The following NKAIN3 variants were observed in gnomAD, a reference collection of about 807,000 sequenced individuals.
NKAIN3 encodes the protein sodium/potassium transporting ATPase interacting 3, also known as sodium/potassium-transporting ATPase subunit beta-1-interacting protein 3.
NKAIN3 carries 25 observed loss-of-function variants against 30.2 expected under a neutral mutation model. The ratio of observed to expected loss-of-function variants is 0.83; its 90% CI spans 0.60 to 1.16. The LOEUF is 1.16. Among genes scored for constraint, NKAIN3 ranks in the 50% most tolerant of loss-of-function variants. The pLI is 0.00. For synonymous variants in NKAIN3, 91 were observed against 89.6 expected (o/e 1.02, Z -0.09); for missense variants, 225 against 254.1 (o/e 0.89, Z 0.78).
intron 1 of NKAIN3, among the ~76,000 whole-genome samples, chr8:62,509,557 C>T (rs961192237): frequency 6.6e-6 from 1 of 152,074 alleles, no homozygotes; most frequent in African/African-American, 2.4e-5. Flanking sequence ...ATTCTTATCT[C>T]TAACCACCAT....
chr8:62,727,965 T>C (rs1009477334), intron 3 of NKAIN3, among the ~76,000 whole-genome samples: 1 of 152,306 alleles, frequency 6.6e-6, no homozygotes, highest in Middle Eastern at 3.4e-3. Context: ...TTTGCAAAAG[T>C]TGGATAAGTT....
chr8:62,899,343 A>G (rs1445619161), intron 4 of NKAIN3, among the ~76,000 whole-genome samples: 2 of 152,348 alleles, frequency 1.3e-5, no homozygotes, highest in Middle Eastern at 3.4e-3. Context: ...ATGTCCATCA[A>G]CAAATGAATG....
At position 62,825,116 on chromosome 8, in the gene NKAIN3, T is replaced by A. The variant is rs536075679; in HGVS notation, c.471+77987T>A. Among the ~76,000 whole-genome samples the A allele has an allele frequency of 2.0e-5, 3 of 152,324 alleles. No homozygotes were observed. In the South Asian group the frequency reaches 6.2e-4, roughly 32 times the overall value. On this transcript the variant is annotated intron_variant, in intron 4 of 6. Coordinates refer to ENST00000623646, the MANE Select transcript of NKAIN3 (RefSeq NM_001304533.3). ...AAGTCCATGGACCCCACCCATTGCC[T>A]TACACTATCTCTGCCAATGAATGAA...
chr8:62,354,930 G>A (rs567140007), intron 1 of NKAIN3, among the ~76,000 whole-genome samples: 3 of 152,206 alleles, frequency 2.0e-5, no homozygotes, highest in Admixed American at 1.3e-4. Context: ...AAGGCAAGTC[G>A]GCCCTTTCTC....
intron 5 of NKAIN3, among the ~76,000 whole-genome samples, chr8:62,926,022 C>T (rs78894681): frequency 0.017 from 2,512 of 152,202 alleles, 82 homozygotes; most frequent in African/African-American, 0.057. Flanking sequence ...TTCTCAAGCA[C>T]TTTACTTGAG....
chr8:62,966,335 C>CT lies in NKAIN3; in HGVS notation c.*929dup. The CT allele has an allele frequency of 3.0e-6, 3 of 984,646 alleles. No homozygotes were observed. Among genetic ancestry groups the CT allele is most frequent in the Non-Finnish European group, 3.6e-6 (3 of 829,232 alleles). 61.0% of individuals were successfully genotyped at this position (984,646 alleles called of 1,614,324 possible). ...GTGTGAGCAACATCAGCTTTTCTTT[C>CT]TCCTACCCCTTCCCAATAACCAAGA... is the stretch of plus-strand genomic sequence containing the variant. On this transcript the variant is annotated 3_prime_UTR_variant, in exon 7 of 7. Transcript: ENST00000623646.
chr8:62,992,040 A>G (rs533908463), intron 5 of NKAIN3, among the ~76,000 whole-genome samples: 1 of 150,528 alleles, frequency 6.6e-6, no homozygotes, highest in South Asian at 2.1e-4. Context: ...TTTCTTTTAG[A>G]CAGAGTCTCG....
At chr8:62,517,553 C>A (rs1442638214) in intron 1 of NKAIN3, among the ~76,000 whole-genome samples, 1 of 152,092 alleles carries the variant, frequency 6.6e-6, no homozygotes, top group African/African-American at 2.4e-5. Context: ...TTCACTTCCA[C>A]TCATAGACCA....
intron 4 of NKAIN3, among the ~76,000 whole-genome samples, chr8:62,860,534 C>G (rs10504357): frequency 0.083 from 12,603 of 152,256 alleles, 582 homozygotes; most frequent in South Asian, 0.14. Context: ...TAGGCCTAAG[C>G]CTTCTTCTAA....
intron 1 of NKAIN3, among the ~76,000 whole-genome samples, chr8:62,395,461 T>TG (rs1817726506): frequency 6.6e-6 from 1 of 152,118 alleles, no homozygotes; most frequent in African/African-American, 2.4e-5. Context: ...TAAGGATTCA[T>TG]GAAAAAAAAG....
At chr8:62,763,689 T>C (rs1816745670) in intron 4 of NKAIN3, among the ~76,000 whole-genome samples, 1 of 152,214 alleles carries the variant, frequency 6.6e-6, no homozygotes, top group South Asian at 2.1e-4. Context: ...CTATCATGGA[T>C]TTTGAAGTCA....
Position 62,823,030 on chromosome 8 carries a change from A to G in NKAIN3, c.471+75901A>G, listed in dbSNP as rs1818898465. ...TGGTATAAAAGATTTAAAATGGTAC[A>G]TCTGTACAGAGCACTTAGCATGAGT... On this transcript the variant is annotated intron_variant, in intron 4 of 6. Coordinates refer to ENST00000623646, the MANE Select transcript of NKAIN3 (RefSeq NM_001304533.3). Among the ~76,000 whole-genome samples, 4 of 152,314 alleles carry G rather than the reference A, an allele frequency of 2.6e-5. No homozygotes were observed. The Middle Eastern group carries it at 0.01, about 389-fold the overall frequency.
intron 3 of NKAIN3, among the ~76,000 whole-genome samples, chr8:62,635,776 ATT>A (rs919762021): frequency 2.6e-5 from 4 of 152,152 alleles, no homozygotes; most frequent in African/African-American, 4.8e-5. Context: ...TGAGAAATAA[ATT>A]TTGTTGTTTA....
chr8:62,417,032 A>C (rs1804467953), intron 1 of NKAIN3, among the ~76,000 whole-genome samples: 1 of 151,372 alleles, frequency 6.6e-6, no homozygotes, highest in African/African-American at 2.4e-5. Flanking sequence ...GACTATAGTC[A>C]CCCTGTTGTA....
At chr8:62,362,899 T>A (rs1816610683) in intron 1 of NKAIN3, among the ~76,000 whole-genome samples, 1 of 152,018 alleles carries the variant, frequency 6.6e-6, no homozygotes, top group East Asian at 1.9e-4. Context: ...TGAACGCAGT[T>A]TGAACACTCA....
At chr8:62,314,130 C>T (rs1282222903) in intron 1 of NKAIN3, among the ~76,000 whole-genome samples, 7 of 152,072 alleles carry the variant, frequency 4.6e-5, no homozygotes, top group Non-Finnish European at 1.0e-4. Flanking sequence ...AGAATAAGAT[C>T]ATATGTTTAG....
In NKAIN3 at chr8:62,364,828, C is replaced by CAAAAAAAAAAAAA. The variant is rs58784999; in HGVS notation, c.54+115712_54+115724dup. Among the ~76,000 whole-genome samples, 74 of 63,742 alleles carry CAAAAAAAAAAAAA rather than the reference C, an allele frequency of 1.2e-3. 12 individuals carry two copies. Among genetic ancestry groups the CAAAAAAAAAAAAA allele is most frequent in the African/African-American group, 1.5e-3 (22 of 14,630 alleles). The allele number at this position is 63,742 out of a possible 152,430, so 41.8% of individuals were successfully genotyped here. A position where few individuals can be genotyped will look rare whatever the true frequency, so the allele number is the denominator to read the frequency against. On this transcript the variant is annotated intron_variant, in intron 1 of 6. Coordinates refer to ENST00000623646, the MANE Select transcript of NKAIN3 (RefSeq NM_001304533.3). ...TGTGTGACAGAGCGAGACTCCACTA[C>CAAAAAAAAAAAAA]AAAAAAAAAAAAAAAAAAAAAAATC... is the stretch of plus-strand genomic sequence containing the variant.
intron 1 of NKAIN3, among the ~76,000 whole-genome samples, chr8:62,318,627 T>G (rs1453074575): frequency 6.6e-6 from 1 of 152,126 alleles, no homozygotes; most frequent in Non-Finnish European, 1.5e-5. Context: ...TTATATGCTG[T>G]ATTACGTTTA....
intron 5 of NKAIN3, among the ~76,000 whole-genome samples, chr8:62,932,461 A>T (rs1176737657): frequency 6.6e-6 from 1 of 152,232 alleles, no homozygotes; most frequent in East Asian, 1.9e-4. Flanking sequence ...CTCAGAACAT[A>T]TAGTATGGTC....
Sources: allele counts gnomAD v4.1 joint callset (sites outside exome capture counted in the v4.1 genomes callset), GRCh38; gene constraint gnomAD v4.1.1; transcripts MANE v1.5; gene names NCBI Gene and HGNC (gene_info 2026-07-23, HGNC 2026-07-21).